Variants in ZFAND3 observed in about 807,000 individuals in gnomAD.
ZFAND3 encodes the protein AN1-type zinc finger protein 3.
In ZFAND3, 10 loss-of-function variants were observed where a neutral mutation model predicts 29.6. That is an observed-to-expected ratio of 0.34 (90% CI 0.21 to 0.57). The LOEUF is 0.57. Among genes scored for constraint, ZFAND3 ranks in the 20% least tolerant of loss-of-function variants. The pLI is 0.86. For synonymous variants in ZFAND3, 128 were observed against 112.6 expected (o/e 1.14, Z -0.87); for missense variants, 230 against 304.5 (o/e 0.76, Z 1.82).
intron 1 of ZFAND3, among the ~76,000 whole-genome samples, chr6:37,914,135 A>G (rs952224671): frequency 1.3e-5 from 2 of 152,210 alleles, no homozygotes; most frequent in Non-Finnish European, 2.9e-5. Flanking sequence ...TGAAAACAGC[A>G]TTCATTTCCT....
Position 38,106,699 on chromosome 6 carries a change from G to GTA in ZFAND3, c.362-9869_362-9868dup, listed in dbSNP as rs534931285. ...TAGTTGTTTGTGTGTGTGTGTGTGTGTATATGTGTATGTGTATATCTTTCC... is the reference window on the plus strand; with the variant it reads ...TAGTTGTTTGTGTGTGTGTGTGTGTGTATATATGTGTATGTGTATATCTTTCC... On this transcript the variant is annotated intron_variant, in intron 4 of 5. Coordinates refer to ENST00000287218, the MANE Select transcript of ZFAND3 (RefSeq NM_021943.3). Among the ~76,000 whole-genome samples, 454 of 151,996 alleles carry GTA rather than the reference G, an allele frequency of 3.0e-3. 3 individuals are homozygous for GTA. The highest frequency in any genetic ancestry group is 0.01 in the African/African-American group (431 of 41,356).
chr6:37,952,781 A>T (rs1762020477), intron 2 of ZFAND3, among the ~76,000 whole-genome samples: 1 of 151,880 alleles, frequency 6.6e-6, no homozygotes, highest in Non-Finnish European at 1.5e-5. Flanking sequence ...CCTGGTGCTC[A>T]GCAGCCCCAT....
At chr6:38,002,264 T>C (rs758497404) in intron 2 of ZFAND3, among the ~76,000 whole-genome samples, 5 of 150,792 alleles carry the variant, frequency 3.3e-5, no homozygotes, top group Middle Eastern at 3.4e-3. Context: ...AGTTCTAAAT[T>C]ACACTACTGT....
chr6:37,888,497 G>A (rs1170616814), intron 1 of ZFAND3, among the ~76,000 whole-genome samples: 1 of 152,032 alleles, frequency 6.6e-6, no homozygotes, highest in Non-Finnish European at 1.5e-5. Flanking sequence ...AATTTGGATT[G>A]TATGTGCAAT....
chr6:38,005,758 CA>C (rs1205044372), intron 2 of ZFAND3, among the ~76,000 whole-genome samples: 1 of 152,126 alleles, frequency 6.6e-6, no homozygotes, highest in African/African-American at 2.4e-5. Context: ...GTTTTTAAAA[CA>C]GTATTGAAAA....
At chr6:38,018,308 A>G (rs888036623) in intron 2 of ZFAND3, among the ~76,000 whole-genome samples, 1 of 152,244 alleles carries the variant, frequency 6.6e-6, no homozygotes, top group East Asian at 1.9e-4. Context: ...CAAAGAACCT[A>G]AAACTATTGT....
chr6:37,820,971 A>G (rs1278065184), intron 1 of ZFAND3, among the ~76,000 whole-genome samples: 1 of 152,180 alleles, frequency 6.6e-6, no homozygotes, highest in African/African-American at 2.4e-5. Flanking sequence ...AGAAAGCTGG[A>G]GACTTTGAAG....
chr6:37,853,393 C>T (rs966260733), intron 1 of ZFAND3, among the ~76,000 whole-genome samples: 1 of 137,184 alleles, frequency 7.3e-6, no homozygotes, highest in Non-Finnish European at 1.5e-5. Flanking sequence ...ATTTTGCCAA[C>T]AGCCCTTCTG....
chr6:37,821,480 A>G (rs1439552014), intron 1 of ZFAND3, among the ~76,000 whole-genome samples: 1 of 152,198 alleles, frequency 6.6e-6, no homozygotes, highest in African/African-American at 2.4e-5. Context: ...GGTAGGAACC[A>G]TTATCTCATT....
intron 3 of ZFAND3, among the ~76,000 whole-genome samples, chr6:38,074,070 A>ATAAGGAGTATGGGGAAATTGGATC (rs1764507562): frequency 1.3e-5 from 2 of 152,200 alleles, no homozygotes; most frequent in Non-Finnish European, 2.9e-5. Context: ...TGGATCTTAT[A>ATAAGGAGTATGGGGAAATTGGATC]TTAACCTTTA....
intron 1 of ZFAND3, among the ~76,000 whole-genome samples, chr6:37,841,685 G>T (rs1450579796): frequency 6.6e-6 from 1 of 152,110 alleles, no homozygotes; most frequent in Non-Finnish European, 1.5e-5. Context: ...GGGTTTCACT[G>T]TGTTAGCCAG....
intron 1 of ZFAND3, among the ~76,000 whole-genome samples, chr6:37,928,572 G>A (rs113349270): frequency 0.16 from 24,963 of 151,994 alleles, 2,272 homozygotes; most frequent in East Asian, 0.33. Flanking sequence ...CCAGGCTGGA[G>A]TGCAGTGGTG....
chr6:37,865,607 C>T (rs1224361069), intron 1 of ZFAND3, among the ~76,000 whole-genome samples: 6 of 152,192 alleles, frequency 3.9e-5, no homozygotes, highest in Admixed American at 2.6e-4. Flanking sequence ...ATTTTACATG[C>T]ATTGCAACAT....
Position 38,061,451 on chromosome 6 carries a change from T to C in ZFAND3, c.113-142T>C, listed in dbSNP as rs1764237870. The C allele has an allele frequency of 2.0e-6, 2 of 1,014,046 alleles. 1 individual carries two copies. Among genetic ancestry groups the C allele is most frequent in the Non-Finnish European group, 2.8e-6 (2 of 711,460 alleles). The allele number at this position is 1,014,046 out of a possible 1,614,324, so 62.8% of individuals were successfully genotyped here. A position where few individuals can be genotyped will look rare whatever the true frequency, so the allele number is the denominator to read the frequency against. On this transcript the variant is annotated intron_variant, in intron 2 of 5. Transcript: ENST00000287218. ...ATCTTAAACGTTTTTGACCAGTGTT[T>C]TACTCCCATGGTTTTTTAGTCACCC...
chr6:38,005,637 T>A (rs1383573023), intron 2 of ZFAND3, among the ~76,000 whole-genome samples: 1 of 152,232 alleles, frequency 6.6e-6, no homozygotes, highest in Non-Finnish European at 1.5e-5. Flanking sequence ...TTTCTTATAA[T>A]GATGGATTTT....
intron 2 of ZFAND3, among the ~76,000 whole-genome samples, chr6:38,027,742 A>G (rs1320788726): frequency 2.0e-5 from 3 of 152,206 alleles, no homozygotes; most frequent in Admixed American, 6.5e-5. Flanking sequence ...CTTTGAAACC[A>G]ATCTGGATGT....
At chr6:38,007,057 A>T (rs1389154362) in intron 2 of ZFAND3, among the ~76,000 whole-genome samples, 2 of 152,230 alleles carry the variant, frequency 1.3e-5, no homozygotes, top group African/African-American at 2.4e-5. Context: ...TAAAAATTAA[A>T]GAGTGAAGAG....
intron 2 of ZFAND3, among the ~76,000 whole-genome samples, chr6:37,977,978 C>G (rs983584027): frequency 6.6e-6 from 1 of 151,152 alleles, no homozygotes; most frequent in African/African-American, 2.4e-5. Context: ...GTCTCCCAGG[C>G]TAGAGTGCAG....
chr6:38,018,865 G>T (rs1278194274), intron 2 of ZFAND3, among the ~76,000 whole-genome samples: 1 of 152,152 alleles, frequency 6.6e-6, no homozygotes, highest in African/African-American at 2.4e-5. Context: ...TTGCCAAATT[G>T]CCCTCTGTAG....
Sources: allele counts gnomAD v4.1 joint callset (sites outside exome capture counted in the v4.1 genomes callset), GRCh38; gene constraint gnomAD v4.1.1; transcripts MANE v1.5; gene names NCBI Gene and HGNC (gene_info 2026-07-23, HGNC 2026-07-21).